The following DNAH11 variants were observed in gnomAD, a reference collection of about 807,000 sequenced individuals.
The protein encoded by DNAH11 is dynein axonemal heavy chain 11, also known as axonemal beta dynein heavy chain 11.
A neutral mutation model predicts 526.0 loss-of-function variants in DNAH11; 442 were observed. The ratio of observed to expected loss-of-function variants is 0.84; its 90% CI spans 0.78 to 0.91. The LOEUF is 0.91. Ranked by LOEUF, DNAH11 falls within the 40% of genes least tolerant of loss-of-function variation. The pLI is 0.00. For synonymous variants in DNAH11, 2,461 were observed against 1,935.9 expected (o/e 1.27, Z -7.12); for missense variants, 6,989 against 5,448.7 (o/e 1.28, Z -8.90).
In DNAH11 at chr7:21,707,702, T is replaced by G; in HGVS notation, c.6550T>G (p.Leu2184Val). ...GNAGTGKSKI[L>V]RTLNRTYVNM... ...GCTCTTTCCTCCTTCCCCTCAGATTTTGAGAACACTGAACCGAACATATGT... is the reference window on the plus strand; with the variant it reads ...GCTCTTTCCTCCTTCCCCTCAGATTGTGAGAACACTGAACCGAACATATGT... Residue 2184 changes from leucine to valine, a missense_variant, in exon 40 of 82, where the codon TTG becomes GTG. Physicochemically the swap from Leu to Val is conservative, Grantham distance 32 (BLOSUM62 1). Transcript: ENST00000409508. 1 of 1,610,126 alleles carries G rather than the reference T, an allele frequency of 6.2e-7. No individual in the cohort carries two copies. The highest frequency in any genetic ancestry group is 1.7e-5 in the Admixed American group (1 of 59,316).
chr7:21,632,111 A>C (rs1009269708), intron 25 of DNAH11, among the ~76,000 whole-genome samples: 1 of 152,194 alleles, frequency 6.6e-6, no homozygotes, highest in Non-Finnish European at 1.5e-5. Context: ...GCATCCTCTG[A>C]AGCCACGTCC....
intron 30 of DNAH11, among the ~76,000 whole-genome samples, chr7:21,668,642 C>A (rs1275040072): frequency 6.6e-6 from 1 of 152,140 alleles, no homozygotes; most frequent in African/African-American, 2.4e-5. Context: ...TTTTGAGATT[C>A]ATCTCTGTCG....
intron 30 of DNAH11, among the ~76,000 whole-genome samples, chr7:21,660,308 G>A (rs1354161656): frequency 1.3e-5 from 2 of 151,830 alleles, no homozygotes; most frequent in Non-Finnish European, 2.9e-5. Context: ...AAAATACTTG[G>A]TTAAAATAAT....
Position 21,880,863 on chromosome 7 carries a change from C to CCTG in DNAH11, c.12359_12360insGCT (p.Leu4120dup). ...GAGACCTCACCATTTGTGCCAGTGT[C>CCTG]CTCTACAACTACTTAGAGGCAAACT... On this transcript the variant is annotated inframe_insertion, in exon 75 of 82. Coordinates refer to ENST00000409508, the MANE Select transcript of DNAH11 (RefSeq NM_001277115.2). 6.2e-7 allele frequency: 1 copy of CCTG among 1,610,772 alleles called. No individual in the cohort carries two copies. The highest frequency in any genetic ancestry group is 8.5e-7 in the Non-Finnish European group (1 of 1,179,146).
At chr7:21,757,153 C>T (rs533290511) in intron 54 of DNAH11, among the ~76,000 whole-genome samples, 5 of 152,162 alleles carry the variant, frequency 3.3e-5, no homozygotes, top group Non-Finnish European at 7.4e-5. Context: ...GAGTTTGCTG[C>T]GTAGACAGAT....
chr7:21,796,612 G>T (rs1031816446), intron 61 of DNAH11, among the ~76,000 whole-genome samples: 3 of 152,196 alleles, frequency 2.0e-5, no homozygotes, highest in South Asian at 2.1e-4. Context: ...CCAAGGGAGG[G>T]AAGGGAACCA....
intron 30 of DNAH11, among the ~76,000 whole-genome samples, chr7:21,679,545 G>A (rs1346076073): frequency 6.6e-6 from 1 of 152,142 alleles, no homozygotes; most frequent in Non-Finnish European, 1.5e-5. Context: ...CCCAGGGGGT[G>A]GAGAAATAGG....
intron 42 of DNAH11, among the ~76,000 whole-genome samples, chr7:21,714,346 A>T (rs181222016): frequency 6.6e-6 from 1 of 152,202 alleles, no homozygotes; most frequent in East Asian, 1.9e-4. Context: ...TAATTCATCC[A>T]GGTCATTTTC....
At chr7:21,740,884 T>C (rs1785851716) in intron 48 of DNAH11, among the ~76,000 whole-genome samples, 1 of 152,192 alleles carries the variant, frequency 6.6e-6, no homozygotes, top group Non-Finnish European at 1.5e-5. Context: ...CTCACACATA[T>C]TTATTTGCTG....
rs189084115 is a variant in DNAH11, at chr7:21,899,742, G to A, written c.13163-238G>A. Among the ~76,000 whole-genome samples the A allele has an allele frequency of 6.5e-4, 99 of 152,264 alleles. 1 individual carries two copies. The highest frequency in any genetic ancestry group is 3.4e-3 in the Middle Eastern group (1 of 292). Reference sequence around the variant, plus strand: ...CATAGCTTCTCTGCTACTGTAGTGCGAAAACCACAGACAATCCACAAATGG... The same window carrying A: ...CATAGCTTCTCTGCTACTGTAGTGCAAAAACCACAGACAATCCACAAATGG... On this transcript the variant is annotated intron_variant, in intron 80 of 81. Transcript: ENST00000409508.
At chr7:21,551,594 G>A (rs1328256679) in intron 2 of DNAH11, among the ~76,000 whole-genome samples, 1 of 152,178 alleles carries the variant, frequency 6.6e-6, no homozygotes. Flanking sequence ...GGGCTGACCA[G>A]CTATTAGGTA....
intron 45 of DNAH11, among the ~76,000 whole-genome samples, chr7:21,730,774 C>T (rs1386927257): frequency 2.0e-5 from 3 of 152,088 alleles, no homozygotes; most frequent in Admixed American, 6.5e-5. Flanking sequence ...TACATGGTGA[C>T]TGTAATTAAT....
At chr7:21,726,286 C>G (rs1390159035) in intron 45 of DNAH11, among the ~76,000 whole-genome samples, 3 of 152,012 alleles carry the variant, frequency 2.0e-5, no homozygotes, top group South Asian at 2.1e-4. Flanking sequence ...AGAATAGTAC[C>G]AAGATGGATG....
Position 21,704,463 on chromosome 7 carries a change from T to A in DNAH11, c.6303T>A (p.Asn2101Lys), listed in dbSNP as rs367634158. 1.4e-5 allele frequency: 23 copies of A among 1,613,572 alleles called. No individual in the cohort carries two copies. Among genetic ancestry groups the A allele is most frequent in the Non-Finnish European group, 1.9e-5 (23 of 1,179,766 alleles). ...QVLMRALRDF[N>K]MPKIVTDDIP... ...TCATGAGAGCATTAAGGGATTTCAA[T>A]ATGCCCAAAATAGTGACTGACGACA... The change falls in exon 38 of 82, where the codon AAT becomes AAA. Residue 2101 changes from asparagine (N) to lysine (K), a missense_variant. Coordinates refer to ENST00000409508, the MANE Select transcript of DNAH11 (RefSeq NM_001277115.2).
Position 21,690,859 on chromosome 7 carries a change from G to A in DNAH11, c.6019G>A (p.Glu2007Lys), listed in dbSNP as rs777145196. The A allele has an allele frequency of 3.1e-6, 5 of 1,612,520 alleles. No individual in the cohort carries two copies. Among genetic ancestry groups the A allele is most frequent in the South Asian group, 1.1e-5 (1 of 90,676 alleles). Residue 2007 changes from glutamate to lysine, a missense_variant, in exon 35 of 82, where the codon GAA (glutamate) becomes AAA (lysine). Transcript: ENST00000409508. Reference protein sequence around the residue: ...PGYAGRTELPENLKALFRPCA... With the variant: ...PGYAGRTELPKNLKALFRPCA... ...TTATGCTGGTCGAACCGAATTACCGGAAAATCTCAAAGCTCTTTTCAGGCA... is the reference window on the plus strand; with the variant it reads ...TTATGCTGGTCGAACCGAATTACCGAAAAATCTCAAAGCTCTTTTCAGGCA...
intron 30 of DNAH11, among the ~76,000 whole-genome samples, chr7:21,677,335 A>G (rs1782935939): frequency 6.6e-6 from 1 of 151,330 alleles, no homozygotes; most frequent in African/African-American, 2.4e-5. Context: ...TTCTTGGAAT[A>G]TTTAATTTTT....
chr7:21,606,860 C>T (rs1351946919), intron 20 of DNAH11, 127 bp downstream of exon 20: 3 of 792,966 alleles, frequency 3.8e-6, no homozygotes, highest in African/African-American at 1.7e-5. Flanking sequence ...ATTTAAAACC[C>T]AGTTATAAGC....
At chr7:21,840,086 C>G (rs79731993) in intron 65 of DNAH11, among the ~76,000 whole-genome samples, 30 of 152,352 alleles carry the variant, frequency 2.0e-4, no homozygotes, top group African/African-American at 7.2e-4. Flanking sequence ...GACCTAATCT[C>G]TGAGCAAGAC....
chr7:21,878,892 G>GCTA (rs1461819530), intron 74 of DNAH11, among the ~76,000 whole-genome samples: 2 of 152,176 alleles, frequency 1.3e-5, no homozygotes, highest in African/African-American at 4.8e-5. Context: ...ATGTGAACTG[G>GCTA]CTATAGTTTG....
Sources: gnomAD v4.1 joint callset for allele counts (sites outside exome capture counted in the v4.1 genomes callset) on GRCh38, gnomAD v4.1.1 for gene constraint, MANE v1.5 for transcripts, NCBI Gene and HGNC (gene_info 2026-07-23, HGNC 2026-07-21) for gene names.